Variants in RUNDC3A observed in about 807,000 individuals in gnomAD.
The protein encoded by RUNDC3A is RUN domain-containing protein 3A.
Under a neutral mutation model 53.9 loss-of-function variants are expected in RUNDC3A, and 28 were observed. The ratio of observed to expected loss-of-function variants is 0.52; its 90% CI spans 0.38 to 0.71. RUNDC3A has a LOEUF of 0.71. RUNDC3A is among the 30% of genes least tolerant of loss of function. The probability of loss-of-function intolerance (pLI) is 0.00; values close to 1 mark genes in which losing one functional copy is unlikely to be tolerated. For missense variants in RUNDC3A, 491 were observed against 597.3 expected, an observed-to-expected ratio of 0.82 and a Z score of 1.85; for synonymous variants, 232 against 249.4, an observed-to-expected ratio of 0.93 and a Z score of 0.66.
chr17:44,309,034 G>T, intron 1 of RUNDC3A, 95 bp downstream of exon 1: 1 of 851,338 alleles, frequency 1.2e-6, no homozygotes, highest in South Asian at 1.8e-5. Context: ...CGGAGAAAAG[G>T]GAGGGGAGAA....
In RUNDC3A at chr17:44,312,999, C is replaced by A. The variant is rs980556671; in HGVS notation, c.224-105C>A. On this transcript the variant is annotated intron_variant, in intron 2 of 10. Transcript: ENST00000426726. ...CACACGTGCATGTGTGTGCACAGAT[C>A]TTTGTGGGAGGAGGCTGCTTATGCT... 8 of 1,300,176 alleles carry A rather than the reference C, an allele frequency of 6.2e-6. No individual in the cohort carries two copies. In the African/African-American group the frequency reaches 1.2e-4, roughly 19 times the overall value. The allele number at this position is 1,300,176 out of a possible 1,614,324, so 80.5% of individuals were successfully genotyped here. A position where few individuals can be genotyped will look rare whatever the true frequency, so the allele number is the denominator to read the frequency against.
intron 10 of RUNDC3A, chr17:44,317,762 A>C: frequency 1.6e-6 from 1 of 606,924 alleles, no homozygotes. Context: ...TGTGAGCTCC[A>C]TGAGGGCAGG....
At chr17:44,310,954 C>A in intron 1 of RUNDC3A, 1 of 985,522 alleles carries the variant, frequency 1.0e-6, no homozygotes, top group Non-Finnish European at 1.2e-6. Context: ...CCCTGCCCAG[C>A]GGCCCTAGGC....
intron 4 of RUNDC3A, chr17:44,314,229 C>T: frequency 1.0e-6 from 1 of 1,004,372 alleles, no homozygotes; most frequent in Non-Finnish European, 1.2e-6. Flanking sequence ...ACTGTGGGTT[C>T]ACAGGGAGGT....
intron 1 of RUNDC3A, 89 bp downstream of exon 1, chr17:44,309,028 G>A: frequency 1.1e-6 from 1 of 874,126 alleles, no homozygotes; most frequent in East Asian, 2.9e-5. Flanking sequence ...CTGCCGCGGA[G>A]AAAAGGGAGG....
At chr17:44,316,032 ACTT>A (rs1300651836) in intron 8 of RUNDC3A, among the ~76,000 whole-genome samples, 6 of 151,326 alleles carry the variant, frequency 4.0e-5, no homozygotes, top group Non-Finnish European at 8.8e-5. Flanking sequence ...TCCCTGTAAC[ACTT>A]CTTCTCTACG....
Position 44,313,414 on chromosome 17 carries a change from C to T in RUNDC3A, c.373-4C>T, listed in dbSNP as rs2047788531. ...CAGCAAGTAAAGGTGAACATGATTT[C>T]CAGGGCCGGGCATGGATCCGGGTGG... is the stretch of plus-strand genomic sequence containing the variant. On this transcript the variant is annotated splice_polypyrimidine_tract_variant and splice_region_variant and intron_variant, in intron 3 of 10. Coordinates refer to ENST00000426726, the MANE Select transcript of RUNDC3A (RefSeq NM_001144825.2). The T allele has an allele frequency of 6.2e-7, 1 of 1,613,804 alleles. No individual in the cohort carries two copies. The highest frequency in any genetic ancestry group is 1.3e-5 in the African/African-American group (1 of 74,904).
chr17:44,313,392 C>T (rs1335907107), intron 3 of RUNDC3A, 26 bp from the exon 4 acceptor site: 1 of 1,613,644 alleles, frequency 6.2e-7, no homozygotes, highest in South Asian at 1.1e-5. Context: ...TCTGGGGCAG[C>T]AAGTAAAGGT....
In RUNDC3A at chr17:44,313,724, C is replaced by T. The variant is rs1213867245; in HGVS notation, c.458+221C>T. 4.6e-6 allele frequency: 6 copies of T among 1,309,250 alleles called. No homozygotes were observed. In the East Asian group the frequency reaches 1.9e-4, roughly 41 times the overall value. 81.1% of individuals were successfully genotyped at this position (1,309,250 alleles called of 1,614,324 possible). The stretch of plus-strand genomic sequence containing the variant: ...GAGAAGGAGTTTCGCTCTTGTTGCC[C>T]AGGCTGGAGTGCGATGGCGCGATCT... On this transcript the variant is annotated intron_variant, in intron 4 of 10. Coordinates refer to ENST00000426726, the MANE Select transcript of RUNDC3A (RefSeq NM_001144825.2).
At chr17:44,311,293 G>A (rs2047743387) in intron 1 of RUNDC3A, 13 of 985,474 alleles carry the variant, frequency 1.3e-5, no homozygotes, top group Non-Finnish European at 1.6e-5. Flanking sequence ...GTGGAGCAGG[G>A]GCTGCTCCAG....
At chr17:44,308,994 G>A in intron 1 of RUNDC3A, 55 bp downstream of exon 1, 1 of 1,277,260 alleles carries the variant, frequency 7.8e-7, no homozygotes, top group East Asian at 2.5e-5. Context: ...GGTTGGGGTG[G>A]ACTGCGGAAA....
chr17:44,314,779 C>A lies in RUNDC3A; in HGVS notation c.503C>A (p.Thr168Asn), dbSNP rs1159064345. Residue 168 changes from threonine to asparagine, a missense_variant, in exon 5 of 11, where the codon ACC (threonine) becomes AAC (asparagine). Thr to Asn is a moderately conservative substitution (Grantham distance 65). Coordinates refer to ENST00000426726, the MANE Select transcript of RUNDC3A (RefSeq NM_001144825.2). The stretch of plus-strand genomic sequence containing the variant: ...GCCATCATGCTGCGGGATGAAGCCA[C>A]CATCCTCACCGGAATGCTGATCGGA... The part of the protein sequence containing the change: ...SGAIMLRDEA[T>N]ILTGMLIGLS... 1 of 1,613,454 alleles carries A rather than the reference C, an allele frequency of 6.2e-7. No individual in the cohort carries two copies. Among genetic ancestry groups the A allele is most frequent in the Non-Finnish European group, 8.5e-7 (1 of 1,179,860 alleles).
chr17:44,308,963 G>A (rs771021793), intron 1 of RUNDC3A, 24 bp downstream of exon 1: 2 of 1,544,640 alleles, frequency 1.3e-6, no homozygotes, highest in East Asian at 2.3e-5. Context: ...GTGGGCGGGG[G>A]CTGGGGTGGT....
chr17:44,318,345 C>T lies in RUNDC3A; in HGVS notation c.*107C>T, dbSNP rs893844661. On this transcript the variant is annotated 3_prime_UTR_variant, in exon 11 of 11. Coordinates refer to ENST00000426726, the MANE Select transcript of RUNDC3A (RefSeq NM_001144825.2). The stretch of plus-strand genomic sequence containing the variant: ...CAGGCTACCCTTCCAGAGAACGCTA[C>T]CCACCCAGCCAGGGTTCTCTCGGGG... 4.1e-5 allele frequency: 50 copies of T among 1,230,428 alleles called. No individual in the cohort carries two copies. The highest frequency in any genetic ancestry group is 5.3e-5 in the Non-Finnish European group (47 of 881,264). 76.2% of individuals were successfully genotyped at this position (1,230,428 alleles called of 1,614,324 possible). A position where few individuals can be genotyped will look rare whatever the true frequency, so the allele number is the denominator to read the frequency against.
intron 1 of RUNDC3A, among the ~76,000 whole-genome samples, chr17:44,310,401 C>G (rs747652966): frequency 2.0e-5 from 3 of 152,220 alleles, no homozygotes; most frequent in Non-Finnish European, 2.9e-5. Flanking sequence ...CTCTTTTTCT[C>G]TTGCCTGCCA....
intron 4 of RUNDC3A, chr17:44,314,437 G>A (rs947377255): frequency 7.6e-6 from 10 of 1,308,680 alleles, no homozygotes; most frequent in Admixed American, 3.4e-5. Context: ...TGTATACCAA[G>A]CACTAATGAT....
Position 44,316,729 on chromosome 17 carries a change from A to G in RUNDC3A, c.1198+4A>G. 1 of 1,545,164 alleles carries G rather than the reference A, an allele frequency of 6.5e-7. No homozygotes were observed. The highest frequency in any genetic ancestry group is 2.2e-4 in the Middle Eastern group (1 of 4,518). On this transcript the variant is annotated splice_donor_region_variant and intron_variant, in intron 10 of 10. Coordinates refer to ENST00000426726, the MANE Select transcript of RUNDC3A (RefSeq NM_001144825.2). ...GAGGAGCCCTGGGGTCCCATCGGTGAGCTCCCCCAACCCAACACCCAGTAC... is the reference window on the plus strand; with the variant it reads ...GAGGAGCCCTGGGGTCCCATCGGTGGGCTCCCCCAACCCAACACCCAGTAC...
At chr17:44,317,450 C>CGTCA (rs2047890608) in intron 10 of RUNDC3A, 4 of 780,738 alleles carry the variant, frequency 5.1e-6, no homozygotes, top group Non-Finnish European at 9.6e-6. Flanking sequence ...AACTACTTGC[C>CGTCA]TGACCATTGT....
At position 44,309,062 on chromosome 17, in the gene RUNDC3A, C is replaced by G. The variant is rs984354763; in HGVS notation, c.107+123C>G. ...GGGGAGAAAAGGGTCGAGAATAATG[C>G]GTCCACTGTCCCTCCCAGGCCCAGA... On this transcript the variant is annotated intron_variant, in intron 1 of 10. Transcript: ENST00000426726. 2.4e-5 allele frequency: 16 copies of G among 661,496 alleles called. No homozygotes were observed. The East Asian group carries it at 4.8e-4, about 20-fold the overall frequency. The allele number at this position is 661,496 out of a possible 1,614,324, so 41.0% of individuals were successfully genotyped here. A position where few individuals can be genotyped will look rare whatever the true frequency, so the allele number is the denominator to read the frequency against.
Sources: allele counts gnomAD v4.1 joint callset (sites outside exome capture counted in the v4.1 genomes callset), GRCh38; gene constraint gnomAD v4.1.1; transcripts MANE v1.5; gene names NCBI Gene and HGNC (gene_info 2026-07-23, HGNC 2026-07-21).